COG6: variants seen among roughly 807,000 people sequenced by gnomAD.
The protein encoded by COG6 is component of oligomeric golgi complex 6, also known as conserved oligomeric Golgi complex subunit 6.
In COG6, 74 loss-of-function variants were observed where a neutral mutation model predicts 88.8. The observed-to-expected ratio is 0.83, with a 90% CI of 0.69 to 1.01. The LOEUF (loss-of-function observed/expected upper bound fraction) is 1.01, where lower values mean the gene tolerates loss of function less well. Among genes scored for constraint, COG6 ranks in the 50% least tolerant of loss-of-function variants. The pLI, the probability that COG6 is intolerant of heterozygous loss-of-function variation, is 0.00. For missense variants in COG6, 800 were observed against 797.9 expected, an observed-to-expected ratio of 1.00 and a Z score of -0.03; for synonymous variants, 286 against 278.7, an observed-to-expected ratio of 1.03 and a Z score of -0.26.
Position 39,752,326 on chromosome 13 carries a change from T to A in COG6, c.*1233T>A. ...ATATAACAAATTAGTATTTATAGAA[T>A]ATGACCTATTTATCTGAAGTTTATA... On this transcript the variant is annotated 3_prime_UTR_variant, in exon 19 of 19. Coordinates refer to ENST00000455146, the MANE Select transcript of COG6 (RefSeq NM_020751.3). 1.2e-6 allele frequency: 1 copy of A among 831,600 alleles called. No homozygotes were observed. 51.5% of individuals were successfully genotyped at this position (831,600 alleles called of 1,614,324 possible).
chr13:39,739,257 GT>G (rs1384605675), intron 18 of COG6, among the ~76,000 whole-genome samples: 1 of 151,952 alleles, frequency 6.6e-6, no homozygotes, highest in Non-Finnish European at 1.5e-5. Flanking sequence ...AGCTAAATCA[GT>G]TTTTACAATG....
At chr13:39,688,290 A>C (rs754259624) in intron 10 of COG6, among the ~76,000 whole-genome samples, 2 of 152,088 alleles carry the variant, frequency 1.3e-5, no homozygotes, top group African/African-American at 2.4e-5. Context: ...ATCTGTTAGT[A>C]TGTTTCTGCA....
intron 13 of COG6, 94 bp from the exon 14 acceptor site, chr13:39,719,142 A>T: frequency 8.8e-7 from 1 of 1,138,888 alleles, no homozygotes; most frequent in Non-Finnish European, 1.2e-6. Context: ...TGTGCTTTAT[A>T]ACTTTTACAT....
intron 13 of COG6, among the ~76,000 whole-genome samples, chr13:39,716,160 T>C (rs1878519172): frequency 6.6e-6 from 1 of 152,044 alleles, no homozygotes; most frequent in Admixed American, 6.6e-5. Context: ...TTTATGTGTT[T>C]TGGGGCTTTT....
At chr13:39,698,813 A>G (rs2138031450) in intron 12 of COG6, among the ~76,000 whole-genome samples, 1 of 151,990 alleles carries the variant, frequency 6.6e-6, no homozygotes, top group South Asian at 2.1e-4. Flanking sequence ...TAGTATGTGA[A>G]TTAGGAGGAA....
intron 17 of COG6, among the ~76,000 whole-genome samples, chr13:39,727,025 A>C (rs1209592763): frequency 3.3e-5 from 5 of 152,008 alleles, no homozygotes; most frequent in Non-Finnish European, 7.4e-5. Context: ...GAAGCTAGGG[A>C]CTATCCTTTT....
chr13:39,677,467 G>A lies in COG6; in HGVS notation c.429-1G>A. ...TTTATTGCTTGTTTTGAAAATTACA[G>A]CCAAAAATTAGAGATAAGAGCTCAA... On this transcript the variant is annotated splice_acceptor_variant, in intron 4 of 18. Coordinates refer to ENST00000455146, the MANE Select transcript of COG6 (RefSeq NM_020751.3). LOFTEE classifies it high-confidence loss of function. The A allele has an allele frequency of 6.3e-7, 1 of 1,588,960 alleles. No homozygotes were observed. The highest frequency in any genetic ancestry group is 8.6e-7 in the Non-Finnish European group (1 of 1,157,424).
chr13:39,745,186 G>A (rs1260833207), intron 18 of COG6, among the ~76,000 whole-genome samples: 1 of 152,172 alleles, frequency 6.6e-6, no homozygotes, highest in South Asian at 2.1e-4. Flanking sequence ...CATGGGCAAG[G>A]ACTTCATGAC....
chr13:39,678,263 A>G, intron 5 of COG6: 1 of 325,406 alleles, frequency 3.1e-6, no homozygotes, highest in Non-Finnish European at 5.9e-6. Context: ...TAGTAGAGAT[A>G]GGATCTCACT....
At chr13:39,787,630 A>G (rs965428080) in intron 18 of COG6, among the ~76,000 whole-genome samples, 3 of 152,194 alleles carry the variant, frequency 2.0e-5, no homozygotes, top group African/African-American at 4.8e-5. Flanking sequence ...ACACATATAC[A>G]TATATACACA....
chr13:39,726,067 G>A (rs1464357667), intron 17 of COG6, among the ~76,000 whole-genome samples: 3 of 151,946 alleles, frequency 2.0e-5, no homozygotes, highest in Admixed American at 6.6e-5. Flanking sequence ...ATGAATATAC[G>A]ATGTCTCTGG....
chr13:39,699,055 ATATAG>A (rs1313853080), intron 12 of COG6, among the ~76,000 whole-genome samples: 1 of 151,860 alleles, frequency 6.6e-6, no homozygotes, highest in African/African-American at 2.4e-5. Flanking sequence ...TGTGTTATTG[ATATAG>A]TATAACAGTT....
At chr13:39,777,431 T>C (rs536329509) in intron 18 of COG6, among the ~76,000 whole-genome samples, 15 of 152,176 alleles carry the variant, frequency 9.9e-5, no homozygotes, top group African/African-American at 2.9e-4. Flanking sequence ...GATAGCTACT[T>C]GGGAAACTAC....
intron 18 of COG6, among the ~76,000 whole-genome samples, chr13:39,741,515 A>G (rs1345253663): frequency 6.6e-6 from 1 of 152,194 alleles, no homozygotes; most frequent in Non-Finnish European, 1.5e-5. Flanking sequence ...TCAGTGATTG[A>G]AGATCAAATT....
chr13:39,761,137 C>G (rs1411082333), intron 18 of COG6, among the ~76,000 whole-genome samples: 2 of 151,918 alleles, frequency 1.3e-5, no homozygotes, highest in Non-Finnish European at 2.9e-5. Flanking sequence ...TAATCCAAAT[C>G]ACAGCATGTC....
intron 4 of COG6, among the ~76,000 whole-genome samples, chr13:39,670,983 C>T (rs1875596550): frequency 6.6e-6 from 1 of 151,926 alleles, no homozygotes; most frequent in Non-Finnish European, 1.5e-5. Flanking sequence ...TCTTTCATTA[C>T]CTAATAAAAG....
intron 18 of COG6, chr13:39,788,215 A>G (rs932139554): frequency 1.2e-5 from 12 of 1,000,074 alleles, no homozygotes; most frequent in Non-Finnish European, 1.9e-5. Flanking sequence ...TAATCAGTAT[A>G]TGGTCCTGGA....
chr13:39,791,274 TTATTA>T (rs776943675), exon 19 of COG6: 2 of 152,054 alleles, frequency 1.3e-5, no homozygotes, highest in African/African-American at 4.8e-5. Context: ...AGAATGGGTA[TTATTA>T]TATTGTATTG....
chr13:39,743,585 C>T (rs976834585), intron 18 of COG6, among the ~76,000 whole-genome samples: 5 of 152,142 alleles, frequency 3.3e-5, no homozygotes, highest in African/African-American at 1.2e-4. Context: ...AGACCAATAA[C>T]AGGCTCTGAA....
Sources: allele counts gnomAD v4.1 joint callset (sites outside exome capture counted in the v4.1 genomes callset), GRCh38; gene constraint gnomAD v4.1.1; transcripts MANE v1.5; gene names NCBI Gene and HGNC (gene_info 2026-07-23, HGNC 2026-07-21).